PLA2G4A: variants seen among roughly 807,000 people sequenced by gnomAD.
PLA2G4A encodes phospholipase A2 group IVA, also known as cytosolic phospholipase A2.
In PLA2G4A, 40 loss-of-function variants were observed where a neutral mutation model predicts 81.9. The ratio of observed to expected loss-of-function variants is 0.49; its 90% confidence interval spans 0.38 to 0.64. The LOEUF (loss-of-function observed/expected upper bound fraction) is 0.64. Among genes scored for constraint, PLA2G4A ranks in the 30% least tolerant of loss-of-function variants. The probability of loss-of-function intolerance (pLI) is 0.00; values close to 1 mark genes in which losing one functional copy is unlikely to be tolerated. For synonymous variants in PLA2G4A, 302 were observed against 296.9 expected (o/e 1.02, Z -0.18); for missense variants, 715 against 905.1 (o/e 0.79, Z 2.69).
intron 8 of PLA2G4A, among the ~76,000 whole-genome samples, chr1:186,936,088 A>G (rs1655932804): frequency 6.6e-6 from 1 of 151,926 alleles, no homozygotes; most frequent in Admixed American, 6.6e-5. Flanking sequence ...CTGTTCTTTT[A>G]TAGCATTGTA....
At chr1:186,863,294 G>A (rs1652882460) in intron 2 of PLA2G4A, among the ~76,000 whole-genome samples, 1 of 152,140 alleles carries the variant, frequency 6.6e-6, no homozygotes, top group Admixed American at 6.5e-5. Flanking sequence ...GGTTTTCACT[G>A]CTAGAGCAAT....
chr1:186,956,307 C>G lies in PLA2G4A; in HGVS notation c.1542C>G (p.Asp514Glu). Residue 514 changes from aspartate to glutamate, a missense_variant, in exon 14 of 18, where the codon GAC becomes GAG. Physicochemically the swap from Asp to Glu is conservative, Grantham distance 45 (BLOSUM62 2). Transcript: ENST00000367466. ...CTTTGAGTGACTTTGCCACACAGGA[C>G]TCCTTTGATGATGATGAACTGGATG... ...LSPLSDFATQ[D>E]SFDDDELDAA... is the part of the protein sequence containing the mutation. 1 of 1,613,636 alleles carries G rather than the reference C, an allele frequency of 6.2e-7. No homozygotes were observed. The highest frequency in any genetic ancestry group is 8.5e-7 in the Non-Finnish European group (1 of 1,179,560).
At position 186,894,209 on chromosome 1, in the gene PLA2G4A, C is replaced by A. The variant is rs776083831; in HGVS notation, c.376C>A (p.Gln126Lys). The change falls in exon 5 of 18, where the codon CAA becomes AAA. Residue 126 changes from glutamine to lysine, a missense_variant and splice_region_variant. By Grantham distance (53) the Gln-to-Lys change is moderately conservative. Transcript: ENST00000367466. ...EKKEVPFIFNQVTEMVLEMSL... is the reference protein window; with the variant it reads ...EKKEVPFIFNKVTEMVLEMSL... ...GAAAGAAGTTCCTTTTATTTTCAAC[C>A]AAGTAAGTAACACTGCAGAATTATA... 5 of 1,064,350 alleles carry A rather than the reference C, an allele frequency of 4.7e-6. No homozygotes were observed. The African/African-American group carries it at 6.2e-5, about 13-fold the overall frequency. The allele number at this position is 1,064,350 out of a possible 1,614,324, so 65.9% of individuals were successfully genotyped here. A position where few individuals can be genotyped will look rare whatever the true frequency, so the allele number is the denominator to read the frequency against.
chr1:186,948,516 GAAA>G (rs34068761), intron 12 of PLA2G4A, among the ~76,000 whole-genome samples: 19 of 138,554 alleles, frequency 1.4e-4, no homozygotes, highest in East Asian at 4.2e-4. Flanking sequence ...GAAGATTTTA[GAAA>G]AAAAAAAAAA....
intron 1 of PLA2G4A, among the ~76,000 whole-genome samples, chr1:186,835,850 A>C (rs1487797983): frequency 1.3e-5 from 2 of 152,198 alleles, no homozygotes; most frequent in East Asian, 3.8e-4. Context: ...TGGTAAATTA[A>C]AGATTTAATT....
chr1:186,867,588 A>G (rs1409847761), intron 2 of PLA2G4A, among the ~76,000 whole-genome samples: 1 of 151,730 alleles, frequency 6.6e-6, no homozygotes, highest in Non-Finnish European at 1.5e-5. Context: ...TAGTTCCAGG[A>G]GTTTTTTTTT....
At chr1:186,967,126 T>C (rs1005210320) in intron 15 of PLA2G4A, among the ~76,000 whole-genome samples, 2 of 152,186 alleles carry the variant, frequency 1.3e-5, no homozygotes, top group Non-Finnish European at 2.9e-5. Flanking sequence ...TCTGACAGCA[T>C]ATCTGTTTTT....
intron 3 of PLA2G4A, among the ~76,000 whole-genome samples, chr1:186,875,205 C>T (rs1653421180): frequency 1.3e-5 from 2 of 151,954 alleles, no homozygotes; most frequent in Non-Finnish European, 2.9e-5. Context: ...GACTTGTGAG[C>T]AGAGCAAAGA....
intron 17 of PLA2G4A, among the ~76,000 whole-genome samples, chr1:186,987,322 C>T (rs915053470): frequency 1.3e-5 from 2 of 152,238 alleles, no homozygotes; most frequent in Non-Finnish European, 2.9e-5. Context: ...GAGGCCATAG[C>T]GTCCTAAACT....
At chr1:186,844,314 T>C (rs1321350465) in intron 1 of PLA2G4A, among the ~76,000 whole-genome samples, 4 of 152,200 alleles carry the variant, frequency 2.6e-5, no homozygotes, top group African/African-American at 9.7e-5. Flanking sequence ...ATAGCCTTAG[T>C]TTACAAAAAA....
intron 1 of PLA2G4A, among the ~76,000 whole-genome samples, chr1:186,848,144 G>A (rs778575090): frequency 1.8e-4 from 28 of 152,164 alleles, no homozygotes; most frequent in African/African-American, 3.9e-4. Context: ...GTAGAGATGC[G>A]TTTGTGCATG....
intron 1 of PLA2G4A, among the ~76,000 whole-genome samples, chr1:186,840,636 C>T (rs1005759017): frequency 2.0e-5 from 3 of 152,140 alleles, no homozygotes; most frequent in African/African-American, 4.8e-5. Flanking sequence ...TCACCGGCTG[C>T]CTGAAATAGT....
rs151102291 is a variant in PLA2G4A, at chr1:186,899,805, T to G, written c.378+5594T>G. ...CTGAAAATGAAAAGGTGGGTGCAGC[T>G]TACCACAGACTGCTTCTGTGGAAAG... On this transcript the variant is annotated intron_variant, in intron 5 of 17. Coordinates refer to ENST00000367466, the MANE Select transcript of PLA2G4A (RefSeq NM_024420.3). 6.8e-3 allele frequency among the ~76,000 whole-genome samples: 1,038 copies of G among 152,254 alleles called. 7 individuals are homozygous for G. Among genetic ancestry groups the G allele is most frequent in the Middle Eastern group, 0.027 (8 of 294 alleles).
Position 186,906,436 on chromosome 1 carries a change from A to G in PLA2G4A, c.379-529A>G, listed in dbSNP as rs12720546. On this transcript the variant is annotated intron_variant, in intron 5 of 17. Transcript: ENST00000367466. ...TCATTAGTAGATGTTTCCCGAGTCA[A>G]CTACAGTTGGCTGGATCCTAGGTCC... Among the ~76,000 whole-genome samples, 1,165 of 152,330 alleles carry G rather than the reference A, an allele frequency of 7.6e-3. 8 individuals carry two copies. Among genetic ancestry groups the G allele is most frequent in the Non-Finnish European group, 0.014 (925 of 68,030 alleles).
intron 15 of PLA2G4A, among the ~76,000 whole-genome samples, chr1:186,972,244 A>G (rs1375467265): frequency 6.6e-6 from 1 of 152,110 alleles, no homozygotes; most frequent in Non-Finnish European, 1.5e-5. Context: ...CTATTAATTT[A>G]TCTAACAAAA....
intron 1 of PLA2G4A, among the ~76,000 whole-genome samples, chr1:186,830,936 AGCTTGCTTGCTTGCTT>A (rs148614012): frequency 0.15 from 18,541 of 126,874 alleles, 1,447 homozygotes; most frequent in East Asian, 0.18. Context: ...CAGATTGTAT[AGCTTGCTTGCTTGCTT>A]GCTTGCTTTC....
At chr1:186,985,895 G>A (rs1657876692) in intron 17 of PLA2G4A, among the ~76,000 whole-genome samples, 1 of 152,082 alleles carries the variant, frequency 6.6e-6, no homozygotes, top group South Asian at 2.1e-4. Flanking sequence ...GAAAAGAAAG[G>A]TTTAAATTTA....
chr1:186,837,753 G>GAAAAA (rs1267826917), intron 1 of PLA2G4A, among the ~76,000 whole-genome samples: 1 of 118,168 alleles, frequency 8.5e-6, no homozygotes, highest in East Asian at 2.7e-4. Flanking sequence ...AAAAAAAAAA[G>GAAAAA]AAAAAGAAAA....
At chr1:186,955,734 C>CCTT (rs368191115) in intron 13 of PLA2G4A, among the ~76,000 whole-genome samples, 1 of 108,820 alleles carries the variant, frequency 9.2e-6, no homozygotes, top group East Asian at 2.8e-4. Flanking sequence ...AAGAAGATCC[C>CCTT]TTTTTTTTTT....
Sources: allele counts gnomAD v4.1 joint callset (sites outside exome capture counted in the v4.1 genomes callset), GRCh38; gene constraint gnomAD v4.1.1; transcripts MANE v1.5; gene names NCBI Gene and HGNC (gene_info 2026-07-23, HGNC 2026-07-21).